MGMT: variants seen among roughly 807,000 people sequenced by gnomAD.
MGMT encodes the protein O-6-methylguanine-DNA methyltransferase.
A neutral mutation model predicts 15.9 loss-of-function variants in MGMT; 14 were observed. That is an observed-to-expected ratio of 0.88 (90% CI 0.58 to 1.37). The LOEUF is 1.37. Ranked by LOEUF, MGMT falls within the 40% of genes most tolerant of loss-of-function variation. The pLI, the probability that MGMT is intolerant of heterozygous loss-of-function variation, is 0.00. For synonymous variants in MGMT, 130 were observed against 118.2 expected, an observed-to-expected ratio of 1.10 and a Z score of -0.65; for missense variants, 282 against 268.1, an observed-to-expected ratio of 1.05 and a Z score of -0.36.
chr10:129,684,703 G>C (rs1847886983), intron 2 of MGMT, among the ~76,000 whole-genome samples: 1 of 152,180 alleles, frequency 6.6e-6, no homozygotes, highest in African/African-American at 2.4e-5. Flanking sequence ...GACATCCACA[G>C]GAAAGGAGGT....
intron 2 of MGMT, among the ~76,000 whole-genome samples, chr10:129,558,175 A>C (rs1846237292): frequency 6.6e-6 from 1 of 152,110 alleles, no homozygotes; most frequent in Admixed American, 6.5e-5. Context: ...GTCTTTTTAA[A>C]ATTGAGAGCT....
chr10:129,542,540 C>T (rs570162023), intron 2 of MGMT, among the ~76,000 whole-genome samples: 2 of 152,158 alleles, frequency 1.3e-5, no homozygotes, highest in Admixed American at 6.5e-5. Flanking sequence ...CAAAAAAACG[C>T]GCTCTGTAGG....
chr10:129,759,603 A>G (rs3793904), intron 4 of MGMT, among the ~76,000 whole-genome samples: 35,592 of 152,004 alleles, frequency 0.23, 4,996 homozygotes, highest in Admixed American at 0.36. Context: ...TGAGCAGGAG[A>G]GGAGGGAGCC....
chr10:129,516,453 C>T (rs60921412), intron 1 of MGMT, among the ~76,000 whole-genome samples: 23,600 of 151,926 alleles, frequency 0.16, 2,534 homozygotes, highest in African/African-American at 0.3. Flanking sequence ...TGTGTCCCTC[C>T]TCTTACCCGG....
chr10:129,555,607 CA>C (rs1457871472), intron 2 of MGMT, among the ~76,000 whole-genome samples: 1 of 151,954 alleles, frequency 6.6e-6, no homozygotes, highest in Non-Finnish European at 1.5e-5. Flanking sequence ...GTCAGCTACT[CA>C]GGAGGCTGAG....
intron 2 of MGMT, among the ~76,000 whole-genome samples, chr10:129,616,437 C>G (rs1847027569): frequency 6.6e-6 from 1 of 151,784 alleles, no homozygotes. Context: ...TGCCCTGGAG[C>G]TGGAATGGTA....
intron 2 of MGMT, chr10:129,700,206 A>G (rs2133134925): frequency 6.6e-6 from 1 of 152,314 alleles, no homozygotes; most frequent in East Asian, 1.9e-4. Flanking sequence ...TGTGTCTGTC[A>G]TGAGCCCGTT....
intron 2 of MGMT, among the ~76,000 whole-genome samples, chr10:129,668,325 T>C (rs1207776117): frequency 1.3e-5 from 2 of 152,110 alleles, no homozygotes; most frequent in Admixed American, 1.3e-4. Flanking sequence ...ATAAAAACCA[T>C]TCTTAGATGC....
At chr10:129,470,657 C>T (rs1273588424) in intron 1 of MGMT, among the ~76,000 whole-genome samples, 2 of 152,198 alleles carry the variant, frequency 1.3e-5, no homozygotes, top group African/African-American at 4.8e-5. Flanking sequence ...CAGCAGCCTG[C>T]GCTCCCGAAG....
chr10:129,521,673 G>A (rs564506687), intron 1 of MGMT, among the ~76,000 whole-genome samples: 3 of 152,316 alleles, frequency 2.0e-5, no homozygotes, highest in African/African-American at 7.2e-5. Context: ...GCTGCTGGAG[G>A]GAGCGTCTAC....
chr10:129,745,699 CG>C (rs1450914265), intron 3 of MGMT, among the ~76,000 whole-genome samples: 1 of 152,126 alleles, frequency 6.6e-6, no homozygotes, highest in East Asian at 1.9e-4. Flanking sequence ...TGCGTTTCCC[CG>C]ATGGCCAGTT....
intron 1 of MGMT, among the ~76,000 whole-genome samples, chr10:129,470,489 A>G (rs759532548): frequency 2.6e-5 from 4 of 152,232 alleles, no homozygotes; most frequent in Non-Finnish European, 5.9e-5. Context: ...ACTTCTTCAT[A>G]GAGCTATTGA....
intron 2 of MGMT, among the ~76,000 whole-genome samples, chr10:129,558,822 T>C (rs75686800): frequency 6.6e-6 from 1 of 152,316 alleles, no homozygotes; most frequent in South Asian, 2.1e-4. Context: ...TGTCAGATCA[T>C]TTTTGCCATT....
rs78355185 is a variant in MGMT at position 129,556,815 on chromosome 10, A to G, written c.125+20438A>G. Among the ~76,000 whole-genome samples, 5,322 of 152,302 alleles carry G rather than the reference A, an allele frequency of 0.035. 136 individuals carry two copies. Among genetic ancestry groups the G allele is most frequent in the South Asian group, 0.064 (310 of 4,832 alleles). On this transcript the variant is annotated intron_variant, in intron 2 of 4. Coordinates refer to ENST00000651593, the MANE Select transcript of MGMT (RefSeq NM_002412.5). This position sits in a 1 kb window ranked among gnomAD's most constrained non-coding sequence, Gnocchi z 4.3. ...GGCTGTGGTGAGCAATGTTAGTCCC[A>G]AATCACTTTTTCACAACTTGTTTCT...
At chr10:129,628,261 A>C (rs1847172595) in intron 2 of MGMT, among the ~76,000 whole-genome samples, 1 of 152,208 alleles carries the variant, frequency 6.6e-6, no homozygotes, top group Non-Finnish European at 1.5e-5. Flanking sequence ...GGAATGAACT[A>C]AATGTAAATT....
intron 3 of MGMT, among the ~76,000 whole-genome samples, chr10:129,741,409 G>A (rs1346716295): frequency 6.6e-6 from 1 of 152,244 alleles, no homozygotes; most frequent in Non-Finnish European, 1.5e-5. Flanking sequence ...GGCCACGCGT[G>A]TGGTGCGAGG....
At chr10:129,579,203 G>GTCC (rs945908731) in intron 2 of MGMT, among the ~76,000 whole-genome samples, 10 of 152,226 alleles carry the variant, frequency 6.6e-5, no homozygotes. Flanking sequence ...TTCTAGTTAT[G>GTCC]TAACCCATTC....
At chr10:129,555,005 A>G (rs957244658) in intron 2 of MGMT, among the ~76,000 whole-genome samples, 5 of 152,220 alleles carry the variant, frequency 3.3e-5, no homozygotes, top group Non-Finnish European at 7.3e-5. Context: ...TTGTTGGACA[A>G]TTAAATGAGC....
rs1406915708 is a variant in MGMT at position 129,769,426 on chromosome 10, T to C, written c.*2429T>C. The stretch of plus-strand genomic sequence containing the variant: ...AAACTATTTTCCAAATAAAAAGAAA[T>C]GTCGAAACAAGAAAGCTGTGTTCTT... On this transcript the variant is annotated 3_prime_UTR_variant, in exon 5 of 5. Transcript: ENST00000651593. 6.6e-6 allele frequency: 1 copy of C among 151,820 alleles called. No homozygotes were observed. Among genetic ancestry groups the C allele is most frequent in the East Asian group, 1.9e-4 (1 of 5,152 alleles). 9.4% of individuals were successfully genotyped at this position (151,820 alleles called of 1,614,324 possible).
Sources: gnomAD v4.1 joint callset for allele counts (sites outside exome capture counted in the v4.1 genomes callset) on GRCh38, gnomAD v4.1.1 for gene constraint, Gnocchi (gnomAD v3.1) non-coding constraint, MANE v1.5 for transcripts, NCBI Gene and HGNC (gene_info 2026-07-23, HGNC 2026-07-21) for gene names.